Variants in DGKB observed in about 807,000 individuals in gnomAD.
DGKB encodes 90 kDa diacylglycerol kinase.
DGKB carries 67 observed loss-of-function variants against 114.3 expected under a neutral mutation model. That is an observed-to-expected ratio of 0.59 (90% confidence interval 0.48 to 0.72). The LOEUF (loss-of-function observed/expected upper bound fraction) is 0.72. Among genes scored for constraint, DGKB ranks in the 30% least tolerant of loss-of-function variants. The pLI, the probability that DGKB is intolerant of heterozygous loss-of-function variation, is 0.00. For missense variants in DGKB, 907 were observed against 975.2 expected, an observed-to-expected ratio of 0.93 and a Z score of 0.93; for synonymous variants, 398 against 323.1, an observed-to-expected ratio of 1.23 and a Z score of -2.49.
intron 20 of DGKB, among the ~76,000 whole-genome samples, chr7:14,559,873 C>A (rs942426300): frequency 2.6e-5 from 4 of 151,444 alleles, no homozygotes; most frequent in Non-Finnish European, 5.9e-5. Context: ...CTTTTCTTTT[C>A]TTTTTTTTAC....
intron 15 of DGKB, among the ~76,000 whole-genome samples, chr7:14,616,227 CAT>C (rs374465564): frequency 3.2e-4 from 47 of 146,896 alleles, no homozygotes; most frequent in Admixed American, 5.5e-4. Flanking sequence ...TACATATATA[CAT>C]ATATATATAT....
chr7:14,648,555 C>G (rs1813683148), intron 13 of DGKB, among the ~76,000 whole-genome samples: 1 of 152,100 alleles, frequency 6.6e-6, no homozygotes, highest in Non-Finnish European at 1.5e-5. Context: ...AAAAACAGAA[C>G]AGGAAAACTG....
intron 15 of DGKB, among the ~76,000 whole-genome samples, chr7:14,618,457 G>A (rs1436465771): frequency 6.6e-6 from 1 of 151,510 alleles, no homozygotes; most frequent in Non-Finnish European, 1.5e-5. Context: ...TAGGAACAAG[G>A]TAACTTCAAC....
intron 2 of DGKB, among the ~76,000 whole-genome samples, chr7:14,821,572 G>A (rs534344170): frequency 3.9e-5 from 6 of 152,222 alleles, no homozygotes; most frequent in Admixed American, 6.5e-5. Flanking sequence ...AGCAGAATAC[G>A]ACAAGACTAG....
chr7:14,151,514 T>TATCTC (rs1782207726), intron 25 of DGKB, among the ~76,000 whole-genome samples: 1 of 151,960 alleles, frequency 6.6e-6, no homozygotes, highest in Non-Finnish European at 1.5e-5. Context: ...AATAGCACAG[T>TATCTC]ATCTCATTCA....
At chr7:14,364,150 G>GA (rs879435126) in intron 21 of DGKB, among the ~76,000 whole-genome samples, 13 of 151,792 alleles carry the variant, frequency 8.6e-5, no homozygotes, top group Non-Finnish European at 1.5e-4. Context: ...TGTGCCAAGT[G>GA]AAAAAATAAC....
At chr7:14,368,162 C>A (rs1817009907) in intron 21 of DGKB, among the ~76,000 whole-genome samples, 1 of 150,744 alleles carries the variant, frequency 6.6e-6, no homozygotes. Flanking sequence ...GTCCCCCCAC[C>A]ATCAAAACCT....
At chr7:14,288,270 G>C (rs369736210) in intron 23 of DGKB, among the ~76,000 whole-genome samples, 2 of 65,082 alleles carry the variant, frequency 3.1e-5, no homozygotes, top group Non-Finnish European at 5.8e-5. Context: ...AAAAAAAAAA[G>C]AAACAAACTA....
intron 2 of DGKB, among the ~76,000 whole-genome samples, chr7:14,780,450 C>A (rs1838901804): frequency 6.6e-6 from 1 of 152,178 alleles, no homozygotes; most frequent in Non-Finnish European, 1.5e-5. Flanking sequence ...TTATTTATTT[C>A]TTAACCAAAT....
chr7:14,205,325 T>A (rs1487780327), intron 23 of DGKB, among the ~76,000 whole-genome samples: 1 of 151,838 alleles, frequency 6.6e-6, no homozygotes, highest in Non-Finnish European at 1.5e-5. Context: ...TCTACATTGT[T>A]CTTGAGACCC....
At chr7:14,642,342 G>A (rs1278240739) in intron 13 of DGKB, among the ~76,000 whole-genome samples, 2 of 151,888 alleles carry the variant, frequency 1.3e-5, no homozygotes, top group African/African-American at 4.8e-5. Flanking sequence ...ACTTTTATCT[G>A]CCATCCTTTT....
chr7:14,303,971 A>AGAT (rs1803992755), intron 23 of DGKB, among the ~76,000 whole-genome samples: 1 of 151,804 alleles, frequency 6.6e-6, no homozygotes, highest in African/African-American at 2.4e-5. Context: ...ACCCTGGATT[A>AGAT]GATAATGCAC....
intron 5 of DGKB, among the ~76,000 whole-genome samples, chr7:14,735,802 T>C (rs1008677460): frequency 2.6e-5 from 4 of 152,214 alleles, no homozygotes; most frequent in Admixed American, 2.6e-4. Flanking sequence ...TGTCTTCAAA[T>C]TATTACCTAT....
chr7:14,319,826 C>G (rs1807393478), intron 23 of DGKB, among the ~76,000 whole-genome samples: 1 of 152,188 alleles, frequency 6.6e-6, no homozygotes, highest in Non-Finnish European at 1.5e-5. Context: ...TTTATACTTA[C>G]AGCACTAAGA....
At chr7:14,310,741 G>A (rs1208246293) in intron 23 of DGKB, among the ~76,000 whole-genome samples, 1 of 152,168 alleles carries the variant, frequency 6.6e-6, no homozygotes, top group African/African-American at 2.4e-5. Context: ...AATTTTCCCA[G>A]TCCTTTTCCA....
chr7:14,871,178 C>T (rs1852399110), intron 1 of DGKB, among the ~76,000 whole-genome samples: 1 of 152,000 alleles, frequency 6.6e-6, no homozygotes, highest in Non-Finnish European at 1.5e-5. Flanking sequence ...TTTTGGTACA[C>T]ATATACACTG....
chr7:14,625,039 C>T (rs1585176562), intron 14 of DGKB, among the ~76,000 whole-genome samples: 1 of 151,766 alleles, frequency 6.6e-6, no homozygotes, highest in Non-Finnish European at 1.5e-5. Flanking sequence ...ATTTTAAAAC[C>T]CTAAGTTGAG....
chr7:14,159,831 C>A (rs753311951), intron 25 of DGKB, among the ~76,000 whole-genome samples: 4 of 152,020 alleles, frequency 2.6e-5, no homozygotes, highest in African/African-American at 4.8e-5. Context: ...CACCACCACG[C>A]CCAGCTAATT....
chr7:14,777,397 CA>C (rs1027431724), intron 2 of DGKB, among the ~76,000 whole-genome samples: 2 of 152,048 alleles, frequency 1.3e-5, no homozygotes, highest in Non-Finnish European at 2.9e-5. Flanking sequence ...TGTCACCACC[CA>C]AATCTCATCT....
Sources: allele counts gnomAD v4.1 joint callset (sites outside exome capture counted in the v4.1 genomes callset), GRCh38; gene constraint gnomAD v4.1.1; transcripts MANE v1.5; gene names NCBI Gene and HGNC (gene_info 2026-07-23, HGNC 2026-07-21).